The following SP100 variants were observed in gnomAD, a reference collection of about 807,000 sequenced individuals.
The protein encoded by SP100 is nuclear autoantigen Sp-100.
In SP100, 84 loss-of-function variants were observed where a neutral mutation model predicts 130.0. The observed-to-expected ratio is 0.65, with a 90% CI of 0.54 to 0.77. The LOEUF (loss-of-function observed/expected upper bound fraction) is 0.77, where lower values mean the gene tolerates loss of function less well. Among genes scored for constraint, SP100 ranks in the 30% least tolerant of loss-of-function variants. The pLI, the probability that SP100 is intolerant of heterozygous loss-of-function variation, is 0.00. For missense variants in SP100, 978 were observed against 1,052.2 expected, an observed-to-expected ratio of 0.93 and a Z score of 0.97; for synonymous variants, 331 against 351.7, an observed-to-expected ratio of 0.94 and a Z score of 0.66.
intron 9 of SP100, 42 bp from the exon 10 acceptor site, chr2:230,462,393 T>G: frequency 6.6e-7 from 1 of 1,508,562 alleles, no homozygotes; most frequent in Non-Finnish European, 9.2e-7. Context: ...GACTCCTTGG[T>G]CACACCCTGA....
chr2:230,429,412 T>C (rs1166359350), intron 2 of SP100, among the ~76,000 whole-genome samples: 1 of 152,222 alleles, frequency 6.6e-6, no homozygotes, highest in Non-Finnish European at 1.5e-5. Flanking sequence ...GATAATTTAA[T>C]TATAATATTT....
intron 25 of SP100, 49 bp from the exon 26 acceptor site, chr2:230,540,827 G>T (rs374296505): frequency 6.4e-7 from 1 of 1,574,426 alleles, no homozygotes; most frequent in Admixed American, 1.7e-5. Flanking sequence ...TAGGAATGGC[G>T]GCTGATTCAC....
At chr2:230,515,619 T>TGAA (rs757202691) in intron 24 of SP100, 1 of 1,601,226 alleles carries the variant, frequency 6.2e-7, no homozygotes, top group African/African-American at 1.3e-5. Flanking sequence ...AGGAGGAAAA[T>TGAA]GAAGAAGATG....
chr2:230,501,399 T>G (rs1354128922), intron 19 of SP100, among the ~76,000 whole-genome samples: 1 of 152,234 alleles, frequency 6.6e-6, no homozygotes, highest in African/African-American at 2.4e-5. Context: ...CGGTAGAGCA[T>G]GCTTTTTCTC....
chr2:230,496,456 T>A (rs936696174), intron 18 of SP100, among the ~76,000 whole-genome samples: 2 of 152,286 alleles, frequency 1.3e-5, no homozygotes, highest in African/African-American at 4.8e-5. Context: ...TGCTTTCAGC[T>A]AATTTGGGTC....
At chr2:230,494,904 G>A (rs1163613962) in intron 18 of SP100, among the ~76,000 whole-genome samples, 2 of 152,184 alleles carry the variant, frequency 1.3e-5, no homozygotes, top group Admixed American at 6.5e-5. Context: ...AACGCTGGCC[G>A]GGCAGTCCTT....
chr2:230,539,329 T>A lies in SP100; in HGVS notation c.2157T>A (p.Thr719=). The part of the protein sequence containing the change: ...NKWGRLFCCD[T]CPRSFHEHCH... ...GGGGACGGCTGTTCTGCTGCGACACTTGTCCAAGATCCTTTCATGAGCACT... is the reference window on the plus strand; with the variant it reads ...GGGGACGGCTGTTCTGCTGCGACACATGTCCAAGATCCTTTCATGAGCACT... Residue 719 remains threonine, a synonymous_variant, in exon 25 of 29, where the codon ACT becomes ACA. Coordinates refer to ENST00000340126, the MANE Select transcript of SP100 (RefSeq NM_001080391.2). 6.2e-7 allele frequency: 1 copy of A among 1,614,024 alleles called. No individual in the cohort carries two copies. The highest frequency in any genetic ancestry group is 8.5e-7 in the Non-Finnish European group (1 of 1,179,892).
chr2:230,453,401 G>A (rs1490735084), intron 8 of SP100, among the ~76,000 whole-genome samples: 1 of 152,164 alleles, frequency 6.6e-6, no homozygotes, highest in Admixed American at 6.5e-5. Context: ...TAACCTTAGA[G>A]GGAAATCTTT....
intron 24 of SP100, among the ~76,000 whole-genome samples, chr2:230,536,370 G>T (rs990930649): frequency 6.6e-6 from 1 of 152,124 alleles, no homozygotes; most frequent in African/African-American, 2.4e-5. Context: ...GAACCCAATT[G>T]TCCCATAAAT....
rs570103534 is a variant in SP100 at position 230,467,048 on chromosome 2, T to C, written c.1196-72T>C. On this transcript the variant is annotated intron_variant, in intron 12 of 28. Coordinates refer to ENST00000340126, the MANE Select transcript of SP100 (RefSeq NM_001080391.2). ...ACAAATTTTCCTAGTTTCCTTTTCA[T>C]AGAATATTATTCTGACTTGGTTCCC... 4.3e-5 allele frequency: 45 copies of C among 1,047,096 alleles called. 1 individual carries two copies. In the South Asian group the frequency reaches 5.5e-4, roughly 13 times the overall value. The allele number at this position is 1,047,096 out of a possible 1,614,324, so 64.9% of individuals were successfully genotyped here. A position where few individuals can be genotyped will look rare whatever the true frequency, so the allele number is the denominator to read the frequency against.
At chr2:230,526,541 A>G (rs566333094) in intron 24 of SP100, among the ~76,000 whole-genome samples, 1 of 152,306 alleles carries the variant, frequency 6.6e-6, no homozygotes, top group African/African-American at 2.4e-5. Flanking sequence ...CAGCAAGGGA[A>G]CAAAACTGGA....
chr2:230,418,164 C>G (rs557191558), intron 2 of SP100, among the ~76,000 whole-genome samples: 70 of 152,322 alleles, frequency 4.6e-4, no homozygotes, highest in Non-Finnish European at 8.7e-4. Flanking sequence ...TTAGCCTTCA[C>G]AGCTTTTATT....
At chr2:230,471,203 C>T (rs368869204) in intron 15 of SP100, among the ~76,000 whole-genome samples, 7 of 151,796 alleles carry the variant, frequency 4.6e-5, no homozygotes, top group Admixed American at 2.0e-4. Context: ...ATGAGCTCAC[C>T]GAATCAAAGA....
At chr2:230,444,397 A>G (rs370269578) in intron 4 of SP100, 51 bp downstream of exon 4, 69 of 1,434,252 alleles carry the variant, frequency 4.8e-5, no homozygotes, top group African/African-American at 4.6e-4. Context: ...AGTTTTTTCA[A>G]TAAGTATATA....
intron 18 of SP100, among the ~76,000 whole-genome samples, chr2:230,495,143 C>T (rs2066595459): frequency 6.6e-6 from 1 of 152,132 alleles, no homozygotes; most frequent in Non-Finnish European, 1.5e-5. Flanking sequence ...TGGGCAGAGA[C>T]ATGCCAGCCT....
At chr2:230,437,531 TTC>T (rs1559487079) in intron 2 of SP100, among the ~76,000 whole-genome samples, 1 of 152,098 alleles carries the variant, frequency 6.6e-6, no homozygotes, top group East Asian at 1.9e-4. Context: ...GAAATATGTG[TTC>T]TCTGTTTTTT....
intron 24 of SP100, among the ~76,000 whole-genome samples, chr2:230,519,483 A>G (rs1029988434): frequency 1.1e-4 from 16 of 152,204 alleles, no homozygotes; most frequent in Admixed American, 9.2e-4. Context: ...CTTTTGAGAG[A>G]AGGAAATGTG....
intron 4 of SP100, among the ~76,000 whole-genome samples, chr2:230,446,179 G>A (rs1225771092): frequency 6.6e-6 from 1 of 152,168 alleles, no homozygotes; most frequent in Non-Finnish European, 1.5e-5. Context: ...CATAATCTCA[G>A]CTCACTGCAG....
chr2:230,485,955 A>T (rs1380366627), intron 17 of SP100, among the ~76,000 whole-genome samples: 1 of 152,132 alleles, frequency 6.6e-6, no homozygotes, highest in Non-Finnish European at 1.5e-5. Flanking sequence ...ACTAAGGAAG[A>T]TTTGCATTTT....
Sources: allele counts gnomAD v4.1 joint callset (sites outside exome capture counted in the v4.1 genomes callset), GRCh38; gene constraint gnomAD v4.1.1; transcripts MANE v1.5; gene names NCBI Gene and HGNC (gene_info 2026-07-23, HGNC 2026-07-21).